SBF2: variants seen among roughly 807,000 people sequenced by gnomAD.
SBF2 encodes SET binding factor 2.
SBF2 carries 112 observed loss-of-function variants against 225.2 expected under a neutral mutation model. The ratio of observed to expected loss-of-function variants is 0.50; its 90% CI spans 0.43 to 0.58. SBF2 has a LOEUF of 0.58. Among genes scored for constraint, SBF2 ranks in the 20% least tolerant of loss-of-function variants. The pLI is 0.00. For missense variants in SBF2, 1,996 were observed against 2,206.2 expected (o/e 0.90, Z 1.91); for synonymous variants, 763 against 773.3 (o/e 0.99, Z 0.22).
intron 1 of SBF2, among the ~76,000 whole-genome samples, chr11:10,223,399 T>TTATTTATATATATA (rs1958412832): frequency 1.7e-5 from 1 of 59,278 alleles, no homozygotes; most frequent in Non-Finnish European, 3.4e-5. Context: ...ATTTTGCACA[T>TTATTTATATATATA]TATATATATA....
intron 7 of SBF2, 89 bp downstream of exon 7, chr11:10,002,468 C>G (rs1034850958): frequency 9.1e-7 from 1 of 1,095,430 alleles, no homozygotes; most frequent in Non-Finnish European, 1.4e-6. Flanking sequence ...CTATGTGGTT[C>G]AAAACCATTG....
chr11:9,923,757 TCTTTACC>T lies in SBF2; in HGVS notation c.1861-27753_1861-27747del, dbSNP rs571160709. 1.3e-3 allele frequency among the ~76,000 whole-genome samples: 197 copies of T among 152,304 alleles called. 1 individual carries two copies. Among genetic ancestry groups the T allele is most frequent in the African/African-American group, 4.5e-3 (187 of 41,554 alleles). ...CAAAGTATCTGTACCTAATTGATTTTCTTTACCCTTTTAAAAAAAGAATCTCTAGTTC... is the reference window on the plus strand; with the variant it reads ...CAAAGTATCTGTACCTAATTGATTTTCTTTTAAAAAAAGAATCTCTAGTTC... On this transcript the variant is annotated intron_variant, in intron 16 of 39. Coordinates refer to ENST00000256190, the MANE Select transcript of SBF2 (RefSeq NM_030962.4).
At chr11:9,977,688 A>G (rs762221908) in intron 13 of SBF2, among the ~76,000 whole-genome samples, 5 of 152,144 alleles carry the variant, frequency 3.3e-5, no homozygotes, top group East Asian at 1.9e-4. Context: ...TTTGTTACCA[A>G]TGCTTACACT....
In SBF2 at chr11:9,839,543, T is replaced by A; in HGVS notation, c.3410A>T (p.Tyr1137Phe). Residue 1137 changes from tyrosine (Y) to phenylalanine (F), a missense_variant, in exon 26 of 40, where the codon TAT becomes TTT. Physicochemically the swap from Tyr to Phe is conservative, Grantham distance 22. Coordinates refer to ENST00000256190, the MANE Select transcript of SBF2 (RefSeq NM_030962.4). ...CCTGTTGGAGGCAGTAATTCTAAAA[T>A]ACTCGGGTCTTGAACGGGAAGAGCT... ...SGSSSRSRPE[Y>F]FRITASNRMY... 6.2e-7 allele frequency: 1 copy of A among 1,614,186 alleles called. No individual in the cohort carries two copies. Among genetic ancestry groups the A allele is most frequent in the Non-Finnish European group, 8.5e-7 (1 of 1,180,028 alleles).
intron 21 of SBF2, among the ~76,000 whole-genome samples, chr11:9,850,824 A>G (rs548426215): frequency 9.8e-5 from 15 of 152,350 alleles, no homozygotes; most frequent in African/African-American, 3.4e-4. Context: ...ACATAGATCT[A>G]TATGTGTTAA....
At chr11:10,252,619 A>C (rs776718674) in intron 1 of SBF2, among the ~76,000 whole-genome samples, 2 of 152,094 alleles carry the variant, frequency 1.3e-5, no homozygotes, top group African/African-American at 2.4e-5. Context: ...GACCATCCTG[A>C]CTAACACGGT....
intron 13 of SBF2, among the ~76,000 whole-genome samples, chr11:9,978,824 C>T (rs541724677): frequency 1.3e-5 from 2 of 152,048 alleles, no homozygotes; most frequent in East Asian, 1.9e-4. Flanking sequence ...GGTGAAACTC[C>T]GTCTCCACCA....
At chr11:10,279,106 TAAAAAAAAAAA>T (rs58093618) in intron 1 of SBF2, among the ~76,000 whole-genome samples, 2 of 56,140 alleles carry the variant, frequency 3.6e-5, no homozygotes, top group Non-Finnish European at 6.3e-5. Flanking sequence ...GGTCTTGTAT[TAAAAAAAAAAA>T]AAAAAAAAAA....
intron 32 of SBF2, among the ~76,000 whole-genome samples, chr11:9,805,665 C>T (rs1419571010): frequency 6.6e-6 from 1 of 152,124 alleles, no homozygotes; most frequent in African/African-American, 2.4e-5. Context: ...CTCTGTCTCC[C>T]AGGCTGCAGT....
intron 1 of SBF2, among the ~76,000 whole-genome samples, chr11:10,262,661 G>C (rs973831053): frequency 2.0e-5 from 3 of 152,106 alleles, no homozygotes; most frequent in African/African-American, 7.2e-5. Flanking sequence ...ACTTCCAAAA[G>C]ACAACTGTCA....
At chr11:10,230,197 T>C (rs1290548750) in intron 1 of SBF2, among the ~76,000 whole-genome samples, 6 of 152,210 alleles carry the variant, frequency 3.9e-5, no homozygotes, top group Admixed American at 1.3e-4. Flanking sequence ...TTTGAGCCTA[T>C]GTGTGTCGCT....
intron 2 of SBF2, among the ~76,000 whole-genome samples, chr11:10,138,494 C>T (rs1435142591): frequency 2.7e-5 from 4 of 150,256 alleles, no homozygotes; most frequent in Non-Finnish European, 5.9e-5. Context: ...CTTCTTACTG[C>T]TTGGCTTAAC....
intron 16 of SBF2, among the ~76,000 whole-genome samples, chr11:9,912,252 C>CA (rs1183578669): frequency 7.1e-6 from 1 of 140,910 alleles, no homozygotes; most frequent in Non-Finnish European, 1.5e-5. Flanking sequence ...GCGGAGGTTG[C>CA]AGTGAGCCGA....
At chr11:10,288,591 C>G (rs758266056) in intron 1 of SBF2, among the ~76,000 whole-genome samples, 1 of 151,946 alleles carries the variant, frequency 6.6e-6, no homozygotes, top group Non-Finnish European at 1.5e-5. Flanking sequence ...GCAGAGAGGT[C>G]CTAGACTAGA....
At chr11:10,022,640 C>T (rs1221821727) in intron 6 of SBF2, among the ~76,000 whole-genome samples, 2 of 151,924 alleles carry the variant, frequency 1.3e-5, no homozygotes, top group African/African-American at 4.8e-5. Context: ...CAAGAGTAAC[C>T]ATGCTTTTAT....
chr11:9,863,038 C>T (rs951194479), intron 17 of SBF2, among the ~76,000 whole-genome samples: 1 of 152,030 alleles, frequency 6.6e-6, no homozygotes, highest in Non-Finnish European at 1.5e-5. Context: ...TGGTATTGTG[C>T]CATGCAATTT....
intron 32 of SBF2, among the ~76,000 whole-genome samples, chr11:9,798,341 G>A (rs1853260335): frequency 6.6e-6 from 1 of 152,104 alleles, no homozygotes; most frequent in African/African-American, 2.4e-5. Flanking sequence ...CTGTTGCTTT[G>A]GAATCAACAG....
intron 26 of SBF2, among the ~76,000 whole-genome samples, chr11:9,833,290 G>A (rs916753626): frequency 6.6e-6 from 1 of 152,112 alleles, no homozygotes; most frequent in Non-Finnish European, 1.5e-5. Flanking sequence ...AGTACACACA[G>A]ATTAATAAAT....
chr11:10,227,763 C>T (rs1958639294), intron 1 of SBF2, among the ~76,000 whole-genome samples: 1 of 152,144 alleles, frequency 6.6e-6, no homozygotes, highest in South Asian at 2.1e-4. Context: ...GTGATGCCTC[C>T]AGCTTTGTTC....
Sources: gnomAD v4.1 joint callset for allele counts (sites outside exome capture counted in the v4.1 genomes callset) on GRCh38, gnomAD v4.1.1 for gene constraint, MANE v1.5 for transcripts, NCBI Gene and HGNC (gene_info 2026-07-23, HGNC 2026-07-21) for gene names.